NRXN1: variants seen among roughly 807,000 people sequenced by gnomAD.
NRXN1 encodes neurexin 1, also known as neurexin-1.
In NRXN1, 39 loss-of-function variants were observed where a neutral mutation model predicts 150.9. That is an observed-to-expected ratio of 0.26 (90% confidence interval 0.20 to 0.34). NRXN1 has a LOEUF of 0.34. Ranked by LOEUF, NRXN1 falls within the 10% of genes least tolerant of loss-of-function variation. The pLI is 1.00. For synonymous variants in NRXN1, 924 were observed against 757.0 expected, an observed-to-expected ratio of 1.22 and a Z score of -3.62; for missense variants, 1,815 against 1,949.9, an observed-to-expected ratio of 0.93 and a Z score of 1.30.
chr2:50,258,297 A>G (rs1197218253), intron 17 of NRXN1, among the ~76,000 whole-genome samples: 1 of 152,092 alleles, frequency 6.6e-6, no homozygotes, highest in Non-Finnish European at 1.5e-5. Context: ...TGCTTTTTCA[A>G]CTAAGTTTAT....
intron 21 of NRXN1, among the ~76,000 whole-genome samples, chr2:50,049,446 C>T (rs575592307): frequency 7.0e-4 from 107 of 152,262 alleles, no homozygotes; most frequent in Non-Finnish European, 1.2e-3. Flanking sequence ...GTCCAAGTCA[C>T]ATGACGAGAT....
chr2:50,686,220 G>A (rs1691211787), intron 5 of NRXN1, among the ~76,000 whole-genome samples: 1 of 152,020 alleles, frequency 6.6e-6, no homozygotes, highest in African/African-American at 2.4e-5. Flanking sequence ...AAACTGGATG[G>A]CAGAGTGTTT....
At chr2:50,998,586 A>T (rs963800485) in intron 2 of NRXN1, among the ~76,000 whole-genome samples, 2 of 152,234 alleles carry the variant, frequency 1.3e-5, no homozygotes, top group African/African-American at 2.4e-5. Flanking sequence ...CCTATTAAGC[A>T]TATGATTTCA....
At position 49,921,793 on chromosome 2, in the gene NRXN1, G is replaced by T; in HGVS notation, c.*151C>A. The T allele has an allele frequency of 2.5e-6, 2 of 814,452 alleles. No individual in the cohort carries two copies. Among genetic ancestry groups the T allele is most frequent in the South Asian group, 2.0e-5 (1 of 50,310 alleles). The allele number at this position is 814,452 out of a possible 1,614,324, so 50.5% of individuals were successfully genotyped here. ...TGAGAAACAAGAGCATGAGATACTT[G>T]TTTTTATTTTTTAAAAAGTCTTTCC... On this transcript the variant is annotated 3_prime_UTR_variant, in exon 23 of 23. Transcript: ENST00000401669.
chr2:50,392,605 G>A (rs760841683), intron 17 of NRXN1, among the ~76,000 whole-genome samples: 1 of 152,066 alleles, frequency 6.6e-6, no homozygotes, highest in East Asian at 1.9e-4. Flanking sequence ...CAACTTTAGG[G>A]GAAAAGGTGA....
intron 8 of NRXN1, among the ~76,000 whole-genome samples, chr2:50,578,466 T>A (rs1322201540): frequency 6.6e-6 from 1 of 152,158 alleles, no homozygotes; most frequent in Non-Finnish European, 1.5e-5. Context: ...TGCAGAGAGA[T>A]CCTGTGTGAT....
At chr2:50,256,810 T>A (rs62133116) in intron 17 of NRXN1, among the ~76,000 whole-genome samples, 14,963 of 152,132 alleles carry the variant, frequency 0.098, 887 homozygotes, top group East Asian at 0.17. Context: ...CTGAAATGTG[T>A]CTGCATTCTC....
intron 19 of NRXN1, among the ~76,000 whole-genome samples, chr2:50,077,588 C>T (rs1697302033): frequency 6.6e-6 from 1 of 152,128 alleles, no homozygotes; most frequent in Non-Finnish European, 1.5e-5. Flanking sequence ...GAAGACTCTA[C>T]TTGGACCTTT....
At chr2:50,931,071 T>A (rs1687666321) in intron 2 of NRXN1, among the ~76,000 whole-genome samples, 1 of 152,120 alleles carries the variant, frequency 6.6e-6, no homozygotes, top group South Asian at 2.1e-4. Flanking sequence ...ACAGGAGACA[T>A]CCTTTGGCCT....
intron 21 of NRXN1, among the ~76,000 whole-genome samples, chr2:49,953,247 A>C (rs1366476324): frequency 6.6e-6 from 1 of 152,116 alleles, no homozygotes; most frequent in African/African-American, 2.4e-5. Flanking sequence ...TTGATTCATG[A>C]GTTGAATATA....
intron 5 of NRXN1, among the ~76,000 whole-genome samples, chr2:50,742,695 T>C (rs149031631): frequency 8.5e-4 from 129 of 152,136 alleles, no homozygotes; most frequent in African/African-American, 3.0e-3. Context: ...TTCTAATTCA[T>C]GAAATAAGCA....
Position 50,871,742 on chromosome 2 carries a change from A to C in NRXN1, c.832+50127T>G, listed in dbSNP as rs539181226. Among the ~76,000 whole-genome samples, 16 of 151,950 alleles carry C rather than the reference A, an allele frequency of 1.1e-4. No homozygotes were observed. In the South Asian group the frequency reaches 3.3e-3, roughly 31 times the overall value. On this transcript the variant is annotated intron_variant, in intron 5 of 22. Transcript: ENST00000401669. Reference sequence around the variant, plus strand: ...AAGGAGCTTCAAAATTTTCAAGATGAATGGTATAGAAGGATTTCTAAGTTT... The same window carrying C: ...AAGGAGCTTCAAAATTTTCAAGATGCATGGTATAGAAGGATTTCTAAGTTT...
intron 18 of NRXN1, among the ~76,000 whole-genome samples, chr2:50,174,074 T>C (rs1271865176): frequency 6.6e-6 from 1 of 152,168 alleles, no homozygotes; most frequent in African/African-American, 2.4e-5. Context: ...AATAAATACA[T>C]AAAATAGAGC....
intron 17 of NRXN1, among the ~76,000 whole-genome samples, chr2:50,312,002 G>A (rs2075225553): frequency 6.6e-6 from 1 of 152,082 alleles, no homozygotes. Flanking sequence ...ACAGAATATA[G>A]TTAGTGTCCC....
intron 5 of NRXN1, among the ~76,000 whole-genome samples, chr2:50,921,062 T>TA (rs1685959128): frequency 1.3e-5 from 2 of 151,636 alleles, no homozygotes; most frequent in South Asian, 2.1e-4. Context: ...TAATAATAAT[T>TA]AAAAAACAGA....
chr2:50,320,833 T>C (rs531765073), intron 17 of NRXN1, among the ~76,000 whole-genome samples: 1 of 152,264 alleles, frequency 6.6e-6, no homozygotes, highest in South Asian at 2.1e-4. Context: ...TTTCATTCAT[T>C]GAACTATTGG....
chr2:50,983,188 T>C lies in NRXN1; in HGVS notation c.772+44314A>G, dbSNP rs1465699151. Among the ~76,000 whole-genome samples, 5 of 152,112 alleles carry C rather than the reference T, an allele frequency of 3.3e-5. No homozygotes were observed. In the East Asian group the frequency reaches 9.7e-4, roughly 29 times the overall value. ...TTTGGCTTCCACTTTTTGCCATTTA[T>C]TTAAATCTAATTAAATGCTCTTAAT... On this transcript the variant is annotated intron_variant, in intron 2 of 22. Coordinates refer to ENST00000401669, the MANE Select transcript of NRXN1 (RefSeq NM_001330078.2).
At chr2:50,111,084 G>T (rs1702313389) in intron 18 of NRXN1, among the ~76,000 whole-genome samples, 1 of 152,008 alleles carries the variant, frequency 6.6e-6, no homozygotes, top group Non-Finnish European at 1.5e-5. Flanking sequence ...ATTTCTCTTG[G>T]CCCGTTATTT....
At position 50,687,379 on chromosome 2, in the gene NRXN1, CT is replaced by C. The variant is rs1691392150; in HGVS notation, c.833-63765del. Among the ~76,000 whole-genome samples the C allele has an allele frequency of 1.3e-5, 2 of 151,980 alleles. 1 individual carries two copies. The highest frequency in any genetic ancestry group is 4.1e-4 in the South Asian group (2 of 4,826). On this transcript the variant is annotated intron_variant, in intron 5 of 22. Transcript: ENST00000401669. Reference sequence around the variant, plus strand: ...AACATAATACTATCTTTTTTTTCTCCTGATGATTCAGGGGTCATCTCTGTGA... The same window carrying C: ...AACATAATACTATCTTTTTTTTCTCCGATGATTCAGGGGTCATCTCTGTGA...
Sources: allele counts gnomAD v4.1 joint callset (sites outside exome capture counted in the v4.1 genomes callset), GRCh38; gene constraint gnomAD v4.1.1; transcripts MANE v1.5; gene names NCBI Gene and HGNC (gene_info 2026-07-23, HGNC 2026-07-21).